Variants in SOS1 observed in about 807,000 individuals in gnomAD.
The protein encoded by SOS1 is SOS Ras/Rac guanine nucleotide exchange factor 1, also known as son of sevenless homolog 1.
A neutral mutation model predicts 157.6 loss-of-function variants in SOS1; 25 were observed. The ratio of observed to expected loss-of-function variants is 0.16; its 90% CI spans 0.12 to 0.22. The LOEUF is 0.22. Among genes scored for constraint, SOS1 ranks in the 10% least tolerant of loss-of-function variants. The probability of loss-of-function intolerance (pLI) is 1.00; values close to 1 mark genes in which losing one functional copy is unlikely to be tolerated. For synonymous variants in SOS1, 528 were observed against 534.0 expected (o/e 0.99, Z 0.16); for missense variants, 1,237 against 1,599.1 (o/e 0.77, Z 3.86).
At chr2:39,016,936 T>A (rs539187972) in intron 10 of SOS1, among the ~76,000 whole-genome samples, 1 of 152,258 alleles carries the variant, frequency 6.6e-6, no homozygotes, top group East Asian at 1.9e-4. Flanking sequence ...ACTTTTCATC[T>A]TCTTAAGCCA....
At position 38,985,659 on chromosome 2, in the gene SOS1, A is replaced by G. The variant is rs1008288748; in HGVS notation, c.*165T>C. ...TAAACTGGAATACCATTTCCATTGT[A>G]TAATTACATCTAGGTTAAAATTCAT... is the stretch of plus-strand genomic sequence containing the variant. On this transcript the variant is annotated 3_prime_UTR_variant, in exon 23 of 23. Coordinates refer to ENST00000402219, the MANE Select transcript of SOS1 (RefSeq NM_005633.4). 9 of 806,132 alleles carry G rather than the reference A, an allele frequency of 1.1e-5. No homozygotes were observed. The highest frequency in any genetic ancestry group is 1.1e-4 in the South Asian group (7 of 63,940). The allele number at this position is 806,132 out of a possible 1,614,324, so 49.9% of individuals were successfully genotyped here. A position where few individuals can be genotyped will look rare whatever the true frequency, so the allele number is the denominator to read the frequency against.
In SOS1 at chr2:38,989,207, TA is replaced by T. The variant is rs1290474202; in HGVS notation, c.3391+62del. The T allele has an allele frequency of 5.3e-6, 6 of 1,135,972 alleles. No individual in the cohort carries two copies. The East Asian group carries it at 1.4e-4, about 27-fold the overall frequency. The allele number at this position is 1,135,972 out of a possible 1,614,324, so 70.4% of individuals were successfully genotyped here. A position where few individuals can be genotyped will look rare whatever the true frequency, so the allele number is the denominator to read the frequency against. On this transcript the variant is annotated intron_variant, in intron 21 of 22. Transcript: ENST00000402219. ...CAAGAAGAGTTTTAGCAGGAAAGGTTACACTTGGTTTGATTTTTAAAGCCAA... is the reference window on the plus strand; with the variant it reads ...CAAGAAGAGTTTTAGCAGGAAAGGTTCACTTGGTTTGATTTTTAAAGCCAA...
chr2:39,086,488 T>TA (rs759654173), intron 1 of SOS1, among the ~76,000 whole-genome samples: 7 of 152,204 alleles, frequency 4.6e-5, no homozygotes, highest in Non-Finnish European at 8.8e-5. Context: ...ATAGGCAGTT[T>TA]AACATATTAG....
intron 17 of SOS1, among the ~76,000 whole-genome samples, chr2:39,003,069 A>AAAAAAAACAAAAC (rs201312533): frequency 2.5e-5 from 2 of 79,110 alleles, no homozygotes; most frequent in Non-Finnish European, 7.2e-5. Flanking sequence ...CTTGTATCAA[A>AAAAAAAACAAAAC]AAAAAAAAAG....
At chr2:39,121,068 G>C (rs1673872947), upstream of SOS1, 1 of 154,770 alleles carries the variant, frequency 6.5e-6, no homozygotes, top group Admixed American at 6.5e-5. Context: ...GCGCTGCCGT[G>C]CTGGGCTGGT....
intron 5 of SOS1, among the ~76,000 whole-genome samples, chr2:39,053,140 G>A (rs1055609082): frequency 1.1e-4 from 17 of 151,998 alleles, no homozygotes; most frequent in African/African-American, 3.9e-4. Context: ...GCAACAGGCC[G>A]AGACTACGTC....
intron 1 of SOS1, among the ~76,000 whole-genome samples, chr2:39,088,773 T>G (rs1450457050): frequency 6.6e-6 from 1 of 152,226 alleles, no homozygotes; most frequent in East Asian, 1.9e-4. Context: ...TGAAAAGTGC[T>G]GCCTATAAAC....
At chr2:39,118,370 C>T (rs1673735537) in intron 1 of SOS1, among the ~76,000 whole-genome samples, 1 of 152,160 alleles carries the variant, frequency 6.6e-6, no homozygotes, top group South Asian at 2.1e-4. Context: ...CAAGTAAAAA[C>T]GTAGGTTTTG....
At chr2:39,037,030 C>T (rs768132729) in intron 6 of SOS1, among the ~76,000 whole-genome samples, 1 of 152,178 alleles carries the variant, frequency 6.6e-6, no homozygotes, top group Non-Finnish European at 1.5e-5. Context: ...AATCAGAAGA[C>T]GTGAGTTCTG....
intron 2 of SOS1, among the ~76,000 whole-genome samples, chr2:39,065,539 G>C (rs1392588789): frequency 1.3e-5 from 2 of 152,082 alleles, no homozygotes; most frequent in Non-Finnish European, 2.9e-5. Flanking sequence ...CTCTTTCTCT[G>C]ATCTCAATCT....
At chr2:39,053,710 C>T (rs142498895) in intron 5 of SOS1, among the ~76,000 whole-genome samples, 5 of 152,208 alleles carry the variant, frequency 3.3e-5, no homozygotes, top group African/African-American at 1.2e-4. Context: ...ACCGTCTCAC[C>T]TGTTCTCATT....
chr2:39,106,602 C>CA (rs11381609), intron 1 of SOS1, among the ~76,000 whole-genome samples: 114,820 of 137,496 alleles, frequency 0.84, 49,304 homozygotes, highest in Non-Finnish European at 0.92. Flanking sequence ...AAAAAAAAAA[C>CA]AAAAAAAAAA....
At chr2:39,063,530 G>A (rs1436737055) in intron 2 of SOS1, among the ~76,000 whole-genome samples, 2 of 152,152 alleles carry the variant, frequency 1.3e-5, no homozygotes, top group Non-Finnish European at 2.9e-5. Context: ...TGGCAGTACC[G>A]ATTAGTGATT....
At chr2:39,024,274 TAA>T (rs1268039409) in intron 8 of SOS1, 137 bp from the exon 9 acceptor site, 12 of 754,270 alleles carry the variant, frequency 1.6e-5, no homozygotes, top group African/African-American at 1.1e-4. Flanking sequence ...ATATTCTTTT[TAA>T]AAGTGTTTTT....
intron 1 of SOS1, among the ~76,000 whole-genome samples, chr2:39,073,345 T>G (rs1372184898): frequency 6.6e-6 from 1 of 152,224 alleles, no homozygotes; most frequent in African/African-American, 2.4e-5. Flanking sequence ...TGCACCAACC[T>G]AATAGTTTTC....
Position 39,073,828 on chromosome 2 carries a change from G to T in SOS1, c.88-6075C>A, listed in dbSNP as rs149979184. On this transcript the variant is annotated intron_variant, in intron 1 of 22. Transcript: ENST00000402219. ...TCCCTTGCTAGCTAATGGCTTTCTG[G>T]AGAATTGGAAAAGCTTCTAAATTAT... 4.4e-4 allele frequency among the ~76,000 whole-genome samples: 67 copies of T among 152,308 alleles called. 1 individual carries two copies. Among genetic ancestry groups the T allele is most frequent in the African/African-American group, 1.5e-3 (63 of 41,574 alleles).
upstream of SOS1, among the ~76,000 whole-genome samples, chr2:39,123,042 A>C (rs1442849407): frequency 6.6e-6 from 1 of 152,108 alleles, no homozygotes; most frequent in Non-Finnish European, 1.5e-5. Flanking sequence ...TTTTCTCACC[A>C]TTCACAACCT....
intron 1 of SOS1, among the ~76,000 whole-genome samples, chr2:39,070,940 G>T (rs1671773025): frequency 2.6e-5 from 4 of 152,178 alleles, no homozygotes; most frequent in Admixed American, 2.6e-4. Flanking sequence ...TTGGCTCACT[G>T]CAACCTCCAC....
chr2:39,110,072 GTGTGTGTA>G (rs1430864220), intron 1 of SOS1, among the ~76,000 whole-genome samples: 2 of 151,322 alleles, frequency 1.3e-5, no homozygotes, highest in South Asian at 2.1e-4. Context: ...GTGTGTGTGT[GTGTGTGTA>G]TGTGCATGTA....
Sources: allele counts gnomAD v4.1 joint callset (sites outside exome capture counted in the v4.1 genomes callset), GRCh38; gene constraint gnomAD v4.1.1; transcripts MANE v1.5; gene names NCBI Gene and HGNC (gene_info 2026-07-23, HGNC 2026-07-21).